EYS: variants seen among roughly 807,000 people sequenced by gnomAD.
EYS encodes protein eyes shut homolog.
In EYS, 250 loss-of-function variants were observed where a neutral mutation model predicts 282.1. The ratio of observed to expected loss-of-function variants is 0.89; its 90% CI spans 0.80 to 0.98. The LOEUF is 0.98. Among genes scored for constraint, EYS ranks in the 50% least tolerant of loss-of-function variants. The pLI is 0.00. For missense variants in EYS, 4,016 were observed against 3,709.0 expected (o/e 1.08, Z -2.15); for synonymous variants, 1,355 against 1,282.9 (o/e 1.06, Z -1.20).
chr6:65,556,848 T>A (rs528279262), intron 2 of EYS, among the ~76,000 whole-genome samples: 2 of 152,154 alleles, frequency 1.3e-5, no homozygotes, highest in East Asian at 1.9e-4. Flanking sequence ...ACTTAATGAA[T>A]ATGAACCTTA....
At chr6:64,803,431 C>T (rs1764322954) in intron 22 of EYS, among the ~76,000 whole-genome samples, 1 of 151,912 alleles carries the variant, frequency 6.6e-6, no homozygotes, top group African/African-American at 2.4e-5. Context: ...TGCTGATTGG[C>T]CATGGTTGGG....
chr6:64,230,240 A>G (rs958657582), intron 31 of EYS, among the ~76,000 whole-genome samples: 1 of 152,228 alleles, frequency 6.6e-6, no homozygotes, highest in Non-Finnish European at 1.5e-5. Flanking sequence ...CAATTAAGCA[A>G]TAAAATAGTA....
chr6:65,147,288 G>A (rs1223381999), intron 12 of EYS, among the ~76,000 whole-genome samples: 3 of 151,856 alleles, frequency 2.0e-5, no homozygotes, highest in African/African-American at 4.8e-5. Context: ...GATTAAATAT[G>A]CACACACATG....
Position 63,983,522 on chromosome 6 carries a change from A to C in EYS, c.7055+861T>G, listed in dbSNP as rs73439174. The stretch of plus-strand genomic sequence containing the variant: ...TTTTTAAATCCTGCTTTTTTGATAA[A>C]ATTTCTCTCTTTTCTACACTGTGTA... On this transcript the variant is annotated intron_variant, in intron 35 of 42. Coordinates refer to ENST00000503581, the MANE Select transcript of EYS (RefSeq NM_001142800.2). Among the ~76,000 whole-genome samples, 1,329 of 151,418 alleles carry C rather than the reference A, an allele frequency of 8.8e-3. 23 individuals carry two copies. The highest frequency in any genetic ancestry group is 0.03 in the African/African-American group (1,255 of 41,344).
At chr6:64,492,484 G>A (rs1289245078) in intron 26 of EYS, among the ~76,000 whole-genome samples, 1 of 150,810 alleles carries the variant, frequency 6.6e-6, no homozygotes, top group Non-Finnish European at 1.5e-5. Flanking sequence ...TGTTGTTGTT[G>A]TTGTTGTTTT....
chr6:65,621,011 G>GA (rs1382601382), intron 2 of EYS, among the ~76,000 whole-genome samples: 2 of 152,100 alleles, frequency 1.3e-5, no homozygotes, highest in Non-Finnish European at 2.9e-5. Flanking sequence ...GTGTGGTGCT[G>GA]AAAAAAATGT....
At chr6:63,724,082 C>T (rs1182980130) in intron 42 of EYS, among the ~76,000 whole-genome samples, 1 of 152,166 alleles carries the variant, frequency 6.6e-6, no homozygotes, top group African/African-American at 2.4e-5. Context: ...GGTGGGATTA[C>T]AGGCATATGC....
chr6:64,590,434 A>C lies in EYS; in HGVS notation c.5433T>G (p.Ser1811=). 6.4e-7 allele frequency: 1 copy of C among 1,551,454 alleles called. No homozygotes were observed. Among genetic ancestry groups the C allele is most frequent in the Middle Eastern group, 1.7e-4 (1 of 5,992 alleles). ...AATATGGCCAATCTGGCCTAATTACAGACATGGAGGAAGACGTCTGTATTG... is the reference window on the plus strand; with the variant it reads ...AATATGGCCAATCTGGCCTAATTACCGACATGGAGGAAGACGTCTGTATTG... ...ALSIQTSSSM[S]VIRPDWPYFT... The change falls in exon 26 of 43, where the codon TCT becomes TCG. Residue 1811 remains serine (S), a synonymous_variant. Coordinates refer to ENST00000503581, the MANE Select transcript of EYS (RefSeq NM_001142800.2).
At chr6:64,436,830 G>A (rs1774768397) in intron 27 of EYS, among the ~76,000 whole-genome samples, 1 of 151,774 alleles carries the variant, frequency 6.6e-6, no homozygotes, top group East Asian at 1.9e-4. Context: ...GTATCCCCAG[G>A]AAATACATGG....
At chr6:65,279,907 G>A (rs1768169635) in intron 12 of EYS, among the ~76,000 whole-genome samples, 1 of 152,110 alleles carries the variant, frequency 6.6e-6, no homozygotes, top group Non-Finnish European at 1.5e-5. Flanking sequence ...AAATACAGGA[G>A]TTCCTCAGAT....
rs75367584 is a variant in EYS at position 64,517,789 on chromosome 6, A to G, written c.5644+72434T>C. 2.5e-3 allele frequency among the ~76,000 whole-genome samples: 380 copies of G among 152,012 alleles called. 1 individual carries two copies. The highest frequency in any genetic ancestry group is 8.3e-3 in the African/African-American group (344 of 41,520). On this transcript the variant is annotated intron_variant, in intron 26 of 42. Coordinates refer to ENST00000503581, the MANE Select transcript of EYS (RefSeq NM_001142800.2). ...GCACACATGTTCTTCTAATAATAGAACTGTACATGTACACATTATTGGAGC... is the reference window on the plus strand; with the variant it reads ...GCACACATGTTCTTCTAATAATAGAGCTGTACATGTACACATTATTGGAGC...
At chr6:65,613,096 C>T (rs1316561705) in intron 2 of EYS, among the ~76,000 whole-genome samples, 1 of 151,684 alleles carries the variant, frequency 6.6e-6, no homozygotes. Flanking sequence ...ATGGTTTTTG[C>T]TTCAACTATT....
At chr6:64,587,471 G>A (rs1019794780) in intron 26 of EYS, among the ~76,000 whole-genome samples, 4 of 151,856 alleles carry the variant, frequency 2.6e-5, no homozygotes, top group Non-Finnish European at 4.4e-5. Context: ...TTAGACTATG[G>A]CCTACTATAT....
intron 2 of EYS, among the ~76,000 whole-genome samples, chr6:65,516,343 C>T (rs1270982827): frequency 6.6e-6 from 1 of 152,018 alleles, no homozygotes; most frequent in Admixed American, 6.6e-5. Context: ...TAGACAAAGA[C>T]CACTGCTAAT....
At chr6:65,403,941 C>A (rs925964856) in intron 6 of EYS, among the ~76,000 whole-genome samples, 1 of 151,964 alleles carries the variant, frequency 6.6e-6, no homozygotes, top group Admixed American at 6.6e-5. Flanking sequence ...TATATAACAA[C>A]TTTTTATTTA....
intron 2 of EYS, among the ~76,000 whole-genome samples, chr6:65,633,427 C>G (rs1766987250): frequency 6.6e-6 from 1 of 152,186 alleles, no homozygotes; most frequent in Non-Finnish European, 1.5e-5. Context: ...AGAGAGTTTT[C>G]AAAGCATTTT....
chr6:64,124,877 C>T (rs964197020), intron 31 of EYS, among the ~76,000 whole-genome samples: 37 of 152,012 alleles, frequency 2.4e-4, no homozygotes, highest in African/African-American at 8.9e-4. Context: ...GTGCAAAGAG[C>T]GATAAAGCTG....
chr6:65,126,159 C>T (rs985874607), intron 12 of EYS, among the ~76,000 whole-genome samples: 2 of 151,964 alleles, frequency 1.3e-5, no homozygotes, highest in African/African-American at 2.4e-5. Flanking sequence ...ACCTTTTATA[C>T]CCATTTCTTG....
chr6:64,332,111 T>A (rs1770666866), intron 29 of EYS, among the ~76,000 whole-genome samples: 1 of 152,164 alleles, frequency 6.6e-6, no homozygotes, highest in Non-Finnish European at 1.5e-5. Flanking sequence ...GTTGAAAGAA[T>A]GAACTGGACA....
Sources: allele counts gnomAD v4.1 joint callset (sites outside exome capture counted in the v4.1 genomes callset), GRCh38; gene constraint gnomAD v4.1.1; transcripts MANE v1.5; gene names NCBI Gene and HGNC (gene_info 2026-07-23, HGNC 2026-07-21).